MDFIC2: variants seen among roughly 807,000 people sequenced by gnomAD.
The protein encoded by MDFIC2 is MyoD family inhibitor domain containing 2.
chr3:70,274,082 T>TGC (rs1701998950), intron 2 of MDFIC2, among the ~76,000 whole-genome samples: 2 of 149,454 alleles, frequency 1.3e-5, no homozygotes, highest in South Asian at 2.2e-4. Flanking sequence ...TGTGTGTGTG[T>TGC]GTGTGTGTGC....
intron 2 of MDFIC2, among the ~76,000 whole-genome samples, chr3:70,284,016 G>T (rs1470026015): frequency 1.3e-5 from 2 of 152,036 alleles, no homozygotes; most frequent in African/African-American, 2.4e-5. Flanking sequence ...CCATGCCTTT[G>T]GGTGGCAGAG....
intron 2 of MDFIC2, chr3:70,291,304 C>T (rs1225975967): frequency 6.6e-6 from 1 of 152,016 alleles, no homozygotes; most frequent in Non-Finnish European, 1.5e-5. Context: ...ATAATAGCAG[C>T]CAACTCATTT....
chr3:70,276,725 T>C (rs942797955), intron 2 of MDFIC2, among the ~76,000 whole-genome samples: 4 of 152,250 alleles, frequency 2.6e-5, no homozygotes, highest in African/African-American at 9.6e-5. Context: ...GCCATGCTCA[T>C]TAATTTATGT....
At chr3:70,216,183 A>C (rs1438183420) in intron 2 of MDFIC2, among the ~76,000 whole-genome samples, 2 of 150,966 alleles carry the variant, frequency 1.3e-5, no homozygotes, top group African/African-American at 4.9e-5. Context: ...TTATATTTGC[A>C]TATTAGGATA....
At chr3:70,273,941 C>T (rs1481366509) in intron 2 of MDFIC2, among the ~76,000 whole-genome samples, 2 of 152,072 alleles carry the variant, frequency 1.3e-5, no homozygotes, top group East Asian at 1.9e-4. Context: ...CAGCCACAGG[C>T]ACACAGCACT....
intron 2 of MDFIC2, among the ~76,000 whole-genome samples, chr3:70,293,284 A>G (rs763042392): frequency 6.6e-6 from 1 of 152,106 alleles, no homozygotes; most frequent in Non-Finnish European, 1.5e-5. Flanking sequence ...AAGAAAAACA[A>G]TTACATACAA....
At chr3:70,212,332 C>A (rs539449793) in intron 2 of MDFIC2, among the ~76,000 whole-genome samples, 100 of 152,236 alleles carry the variant, frequency 6.6e-4, no homozygotes, top group Non-Finnish European at 1.2e-3. Context: ...TATGATGCCT[C>A]TTTCTACTAA....
chr3:70,244,086 C>T (rs1036537596), intron 2 of MDFIC2, among the ~76,000 whole-genome samples: 29 of 152,168 alleles, frequency 1.9e-4, no homozygotes, highest in African/African-American at 7.0e-4. Flanking sequence ...CCTAGCCTAA[C>T]CTCCCTGCTC....
In MDFIC2 at chr3:70,216,287, A is replaced by T. The variant is rs1559537183; in HGVS notation, c.89-9497T>A. Among the ~76,000 whole-genome samples the T allele has an allele frequency of 1.2e-4, 18 of 150,376 alleles. No individual in the cohort carries two copies. The South Asian group carries it at 3.7e-3, about 31-fold the overall frequency. On this transcript the variant is annotated intron_variant, in intron 2 of 3. Transcript: ENST00000567252. ...ATAACAAATATACTATTCTAATTAG[A>T]TATCTGATTAATACTACATATTCTA...
intron 2 of MDFIC2, among the ~76,000 whole-genome samples, chr3:70,307,277 G>A (rs1702411245): frequency 6.6e-6 from 1 of 152,056 alleles, no homozygotes; most frequent in African/African-American, 2.4e-5. Context: ...CAGATTTCCA[G>A]TTTCTCCTGA....
chr3:70,312,225 C>A (rs1176789262), intron 1 of MDFIC2, among the ~76,000 whole-genome samples: 1 of 152,138 alleles, frequency 6.6e-6, no homozygotes, highest in Non-Finnish European at 1.5e-5. Flanking sequence ...CTTACAATTT[C>A]TCAATGTGAA....
At chr3:70,245,810 T>C (rs1379738818) in intron 2 of MDFIC2, among the ~76,000 whole-genome samples, 2 of 150,128 alleles carry the variant, frequency 1.3e-5, no homozygotes, top group Non-Finnish European at 3.0e-5. Context: ...GTGCTCTTCC[T>C]GTCACCATCC....
intron 2 of MDFIC2, among the ~76,000 whole-genome samples, chr3:70,211,828 T>C (rs1701353286): frequency 1.3e-5 from 2 of 150,062 alleles, no homozygotes; most frequent in Non-Finnish European, 3.0e-5. Flanking sequence ...CCTTCCCTTT[T>C]TCCTTTTTCC....
intron 2 of MDFIC2, among the ~76,000 whole-genome samples, chr3:70,279,780 G>T (rs905334099): frequency 1.3e-5 from 2 of 152,064 alleles, no homozygotes; most frequent in Admixed American, 1.3e-4. Flanking sequence ...TCCTTCCATG[G>T]GCTGTTCTGG....
intron 2 of MDFIC2, among the ~76,000 whole-genome samples, chr3:70,245,709 A>ATATATATATATATATG (rs1701700825): frequency 7.2e-6 from 1 of 139,528 alleles, no homozygotes; most frequent in South Asian, 2.3e-4. Flanking sequence ...ATATATATAT[A>ATATATATATATATATG]TATATACACA....
chr3:70,298,563 T>C (rs955689314), intron 2 of MDFIC2, among the ~76,000 whole-genome samples: 1 of 152,124 alleles, frequency 6.6e-6, no homozygotes, highest in East Asian at 1.9e-4. Flanking sequence ...AGTTGGCTTC[T>C]GAATCTTCAT....
chr3:70,240,922 A>G lies in MDFIC2; in HGVS notation c.89-34132T>C, dbSNP rs2106641317. On this transcript the variant is annotated intron_variant, in intron 2 of 3. Coordinates refer to ENST00000567252, the MANE Select transcript of MDFIC2 (RefSeq NM_001364677.1). ...ATGAAAACACTGAATATTTCTTATA[A>G]AAGTTGATTCATCATTTGATAAATG... Among the ~76,000 whole-genome samples, 3 of 152,312 alleles carry G rather than the reference A, an allele frequency of 2.0e-5. No homozygotes were observed. The East Asian group carries it at 5.8e-4, about 29-fold the overall frequency.
intron 2 of MDFIC2, among the ~76,000 whole-genome samples, chr3:70,269,278 ATT>A (rs1263436748): frequency 1.3e-5 from 2 of 152,216 alleles, no homozygotes; most frequent in Admixed American, 6.5e-5. Flanking sequence ...GCAGTGTTAA[ATT>A]AAGTTTAGCC....
intron 2 of MDFIC2, among the ~76,000 whole-genome samples, chr3:70,269,202 A>C (rs547674471): frequency 6.6e-6 from 1 of 152,328 alleles, no homozygotes; most frequent in African/African-American, 2.4e-5. Flanking sequence ...CACATACAAT[A>C]CTCATAAAAA....
Sources: allele counts gnomAD v4.1 joint callset (sites outside exome capture counted in the v4.1 genomes callset), GRCh38; gene constraint gnomAD v4.1.1; transcripts MANE v1.5; gene names NCBI Gene and HGNC (gene_info 2026-07-23, HGNC 2026-07-21).